The following SPDYE4 variants were observed in gnomAD, a reference collection of about 807,000 sequenced individuals.
The protein encoded by SPDYE4 is speedy/RINGO cell cycle regulator family member E4, also known as speedy protein E4.
In SPDYE4, 30 loss-of-function variants were observed where a neutral mutation model predicts 37.5. The ratio of observed to expected loss-of-function variants is 0.80; its 90% CI spans 0.60 to 1.09. The LOEUF (loss-of-function observed/expected upper bound fraction) is 1.09, where lower values mean the gene tolerates loss of function less well. Ranked by LOEUF, SPDYE4 falls within the 50% of genes least tolerant of loss-of-function variation. The pLI is 0.00. For missense variants in SPDYE4, 300 were observed against 307.9 expected, an observed-to-expected ratio of 0.97 and a Z score of 0.19; for synonymous variants, 131 against 120.3, an observed-to-expected ratio of 1.09 and a Z score of -0.58.
intron 4 of SPDYE4, 97 bp from the exon 5 acceptor site, chr17:8,753,586 A>G: frequency 7.0e-7 from 1 of 1,434,880 alleles, no homozygotes; most frequent in Non-Finnish European, 9.4e-7. Flanking sequence ...GACCTTCCTC[A>G]GCTCAGCACC....
At position 8,757,460 on chromosome 17, in the gene SPDYE4, A is replaced by C. The variant is rs778490157; in HGVS notation, c.142T>G (p.Ser48Ala). The change falls in exon 2 of 7, where the codon TCC becomes GCC. Residue 48 changes from serine (S) to alanine (A), a missense_variant. Coordinates refer to ENST00000689094, the MANE Select transcript of SPDYE4 (RefSeq NM_001394956.1). ...PWIDPSPQPQ[S>A]LGLKRKSEWS... ...TCGCTCTTCCTTTTCAGGCCAAGGG[A>C]TTGAGGCTGGGGGCTGGGATCTATC... The C allele has an allele frequency of 6.2e-7, 1 of 1,606,108 alleles. No homozygotes were observed. Among genetic ancestry groups the C allele is most frequent in the South Asian group, 1.1e-5 (1 of 89,654 alleles).
downstream of SPDYE4, among the ~76,000 whole-genome samples, chr17:8,749,278 T>C (rs1259030846): frequency 5.3e-5 from 8 of 151,514 alleles, no homozygotes; most frequent in East Asian, 1.6e-3. Flanking sequence ...TTTTTTTTTT[T>C]TGAGATGGAG....
chr17:8,756,637 A>G (rs1012336448), intron 2 of SPDYE4, among the ~76,000 whole-genome samples: 4 of 152,190 alleles, frequency 2.6e-5, no homozygotes, highest in African/African-American at 9.7e-5. Context: ...GAGAGGCCGA[A>G]GGAGGCCTCT....
At position 8,756,428 on chromosome 17, in the gene SPDYE4, C is replaced by T. The variant is rs1022293597; in HGVS notation, c.349G>A (p.Val117Ile). Residue 117 changes from valine (V) to isoleucine (I), a missense_variant, in exon 3 of 7, where the codon GTC becomes ATC. Coordinates refer to ENST00000689094, the MANE Select transcript of SPDYE4 (RefSeq NM_001394956.1). The part of the protein sequence containing the change: ...EAFNRLLGDP[V>I]VQKFLAWDKD... ...TCCCAGGCCAGGAATTTTTGAACGA[C>T]AGGATCCCCTGTGAAAAGAGAGCCT... The T allele has an allele frequency of 3.1e-6, 5 of 1,613,882 alleles. No homozygotes were observed. Among genetic ancestry groups the T allele is most frequent in the African/African-American group, 1.3e-5 (1 of 74,910 alleles).
At chr17:8,750,599 A>G (rs1215816452), downstream of SPDYE4, among the ~76,000 whole-genome samples, 1 of 151,794 alleles carries the variant, frequency 6.6e-6, no homozygotes, top group Non-Finnish European at 1.5e-5. Context: ...AGTCCCAGCT[A>G]CTTGGGAGGC....
Position 8,758,310 on chromosome 17 carries a change from C to A in SPDYE4, c.73G>T (p.Glu25Ter). 1 of 1,549,982 alleles carries A rather than the reference C, an allele frequency of 6.5e-7. No homozygotes were observed. The highest frequency in any genetic ancestry group is 8.7e-7 in the Non-Finnish European group (1 of 1,146,226). Reference sequence around the variant, plus strand: ...GGCACTTCATCATCCACCACCACCTCGGGGGACCGTACCGTTGTGCTAGGC... The same window carrying A: ...GGCACTTCATCATCCACCACCACCTAGGGGGACCGTACCGTTGTGCTAGGC... ...PQPSTTVRSP[E>*]VVVDDEVPGP... is the part of the protein sequence containing the mutation. The change falls in exon 1 of 7, where the codon GAG becomes TAG. Residue 25 changes from glutamate (E) to a stop codon, truncating the protein, a stop_gained. Coordinates refer to ENST00000689094, the MANE Select transcript of SPDYE4 (RefSeq NM_001394956.1). LOFTEE classifies it high-confidence loss of function.
At position 8,758,307 on chromosome 17, in the gene SPDYE4, C is replaced by G. The variant is rs1217572234; in HGVS notation, c.76G>C (p.Val26Leu). The change falls in exon 1 of 7, where the codon GTG becomes CTG. Residue 26 changes from valine (V) to leucine (L), a missense_variant. Transcript: ENST00000689094. ...QPSTTVRSPE[V>L]VVDDEVPGPS... is the part of the protein sequence containing the mutation. ...CCTGGCACTTCATCATCCACCACCA[C>G]CTCGGGGGACCGTACCGTTGTGCTA... is the stretch of plus-strand genomic sequence containing the variant. 3 of 1,549,736 alleles carry G rather than the reference C, an allele frequency of 1.9e-6. No homozygotes were observed. Among genetic ancestry groups the G allele is most frequent in the Non-Finnish European group, 2.6e-6 (3 of 1,146,206 alleles).
chr17:8,758,252 C>T, intron 1 of SPDYE4, 22 bp downstream of exon 1: 2 of 1,511,116 alleles, frequency 1.3e-6, no homozygotes, highest in Non-Finnish European at 1.8e-6. Flanking sequence ...TCTCCCATCG[C>T]TTCTCCCTCC....
In SPDYE4 at chr17:8,757,453, C is replaced by A; in HGVS notation, c.149G>T (p.Gly50Val). The A allele has an allele frequency of 6.2e-7, 1 of 1,604,558 alleles. No individual in the cohort carries two copies. The highest frequency in any genetic ancestry group is 8.5e-7 in the Non-Finnish European group (1 of 1,175,330). The change falls in exon 2 of 7, where the codon GGC becomes GTC. Residue 50 changes from glycine (G) to valine (V), a missense_variant. Gly to Val is a moderately radical substitution (Grantham distance 109, BLOSUM62 -3). Coordinates refer to ENST00000689094, the MANE Select transcript of SPDYE4 (RefSeq NM_001394956.1). ...TGACCATTCGCTCTTCCTTTTCAGG[C>A]CAAGGGATTGAGGCTGGGGGCTGGG... ...IDPSPQPQSL[G>V]LKRKSEWSDE...
At chr17:8,752,848 G>A (rs2086738513) in intron 6 of SPDYE4, among the ~76,000 whole-genome samples, 1 of 151,976 alleles carries the variant, frequency 6.6e-6, no homozygotes, top group South Asian at 2.1e-4. Context: ...CCCGGCTGGA[G>A]TGCAGTGGCA....
intron 2 of SPDYE4, 98 bp downstream of exon 2, chr17:8,757,164 G>A (rs1340827704): frequency 8.6e-7 from 1 of 1,168,778 alleles, no homozygotes; most frequent in Non-Finnish European, 1.2e-6. Context: ...TCATCCCCCA[G>A]GAGGGCATAT....
rs750829507 is a variant in SPDYE4 at position 8,753,450 on chromosome 17, C to T, written c.525G>A (p.Pro175=). Residue 175 remains proline, a synonymous_variant, in exon 5 of 7, where the codon CCG becomes CCA. Transcript: ENST00000689094. ...AGAGGAAGGAGAAGATGTCTTGTTT[C>T]GGGGCCTGGTTGTCCTCCTCCATGT... ...ASDMEEDNQA[P]KQDIFSFLYG... is the part of the protein sequence containing the mutation. 3.2e-5 allele frequency: 51 copies of T among 1,612,782 alleles called. No individual in the cohort carries two copies. In the African/African-American group the frequency reaches 3.7e-4, roughly 12 times the overall value.
chr17:8,755,023 G>T (rs536650494), intron 4 of SPDYE4, among the ~76,000 whole-genome samples: 3 of 152,322 alleles, frequency 2.0e-5, no homozygotes, highest in African/African-American at 7.2e-5. Flanking sequence ...TGAAGGGGGG[G>T]TGGGAGCTGT....
chr17:8,753,399 G>A lies in SPDYE4; in HGVS notation c.576C>T (p.Pro192=), dbSNP rs1284543261. The A allele has an allele frequency of 6.3e-7, 1 of 1,597,584 alleles. No individual in the cohort carries two copies. The highest frequency in any genetic ancestry group is 1.8e-5 in the Admixed American group (1 of 56,474). Residue 192 remains proline, a synonymous_variant, in exon 5 of 7, where the codon CCC becomes CCT. Coordinates refer to ENST00000689094, the MANE Select transcript of SPDYE4 (RefSeq NM_001394956.1). The stretch of plus-strand genomic sequence containing the variant: ...GCTGGTATCGAAGCTTATGGAACAA[G>A]GGTCGCTGGGAGTAGTTCTTCCCGT... The part of the protein sequence containing the change: ...FLYGKNYSQR[P]LFHKLRYQLL...
At chr17:8,748,403 T>C (rs2086704672), downstream of SPDYE4, among the ~76,000 whole-genome samples, 1 of 152,226 alleles carries the variant, frequency 6.6e-6, no homozygotes, top group South Asian at 2.1e-4. Context: ...GATCTTGGAC[T>C]TCCTGGCCTC....
At chr17:8,754,414 A>C (rs913697211) in intron 4 of SPDYE4, among the ~76,000 whole-genome samples, 1 of 152,116 alleles carries the variant, frequency 6.6e-6, no homozygotes, top group Non-Finnish European at 1.5e-5. Flanking sequence ...TCTCTACTAA[A>C]AATCATAAAA....
At chr17:8,748,160 G>C (rs2086703080), downstream of SPDYE4, among the ~76,000 whole-genome samples, 1 of 152,240 alleles carries the variant, frequency 6.6e-6, no homozygotes, top group South Asian at 2.1e-4. Flanking sequence ...TGGGGACACA[G>C]ACAAACCATA....
rs540618230 is a variant in SPDYE4, at chr17:8,751,766, A to G, written c.*516T>C. The stretch of plus-strand genomic sequence containing the variant: ...TTTAAATCAACCTAGTAATAATTCT[A>G]TGGCCAACATTTGAAAAATAAACCA... On this transcript the variant is annotated 3_prime_UTR_variant, in exon 7 of 7. Coordinates refer to ENST00000689094, the MANE Select transcript of SPDYE4 (RefSeq NM_001394956.1). Among the ~76,000 whole-genome samples the G allele has an allele frequency of 2.2e-4, 34 of 152,354 alleles. No individual in the cohort carries two copies. Among genetic ancestry groups the G allele is most frequent in the African/African-American group, 7.2e-4 (30 of 41,590 alleles).
chr17:8,754,444 A>G (rs2086755380), intron 4 of SPDYE4, among the ~76,000 whole-genome samples: 1 of 152,104 alleles, frequency 6.6e-6, no homozygotes, highest in African/African-American at 2.4e-5. Context: ...ATGTGGTGGC[A>G]TGCACCTGTA....
Sources: gnomAD v4.1 joint callset for allele counts (sites outside exome capture counted in the v4.1 genomes callset) on GRCh38, gnomAD v4.1.1 for gene constraint, MANE v1.5 for transcripts, NCBI Gene and HGNC (gene_info 2026-07-23, HGNC 2026-07-21) for gene names.